Variants in PLCB3 observed in about 807,000 individuals in gnomAD.
The protein encoded by PLCB3 is phospholipase C beta 3.
Under a neutral mutation model 152.1 loss-of-function variants are expected in PLCB3, and 54 were observed. The observed-to-expected ratio is 0.36, with a 90% CI of 0.29 to 0.45. The LOEUF (loss-of-function observed/expected upper bound fraction) is 0.45, where lower values mean the gene tolerates loss of function less well. PLCB3 is among the 20% of genes least tolerant of loss of function. The pLI is 1.00. For missense variants in PLCB3, 1,248 were observed against 1,687.5 expected (o/e 0.74, Z 4.56); for synonymous variants, 717 against 698.7 (o/e 1.03, Z -0.41).
At position 64,263,528 on chromosome 11, in the gene PLCB3, A is replaced by G. The variant is rs997197383; in HGVS notation, c.2386A>G (p.Ile796Val). 1 of 1,578,876 alleles carries G rather than the reference A, an allele frequency of 6.3e-7. No individual in the cohort carries two copies. The highest frequency in any genetic ancestry group is 8.6e-7 in the Non-Finnish European group (1 of 1,162,752). The change falls in exon 20 of 31, where the codon ATT (isoleucine) becomes GTT (valine). Residue 796 changes from isoleucine (I) to valine (V), a missense_variant. Around this residue, in one of 6 missense-constraint regions of PLCB3, gnomAD observed 244 missense variants for 424.4 expected, o/e 0.57. Transcript: ENST00000279230. ...GCTGCCCACGCTGGCTTCACTTCGC[A>G]TTGCAGCCTTTGAGGAGGGGGGTAA... ...VVLPTLASLR[I>V]AAFEEGGKFV...
chr11:64,261,838 G>C, intron 16 of PLCB3, 114 bp from the exon 17 acceptor site: 2 of 1,525,432 alleles, frequency 1.3e-6, no homozygotes, highest in South Asian at 2.3e-5. Context: ...GGCATGGCTA[G>C]GCTAAGAAAC....
rs1295015515 is a variant in PLCB3 at position 64,251,693 on chromosome 11, C to T, written c.44C>T (p.Pro15Leu). ...GGCGTCCACGCGCTGCAGTTGGAGC[C>T]GCCCACCGTGGTGGAGACCCTGCGG... ...QPGVHALQLEPPTVVETLRRG... is the reference protein window; with the variant it reads ...QPGVHALQLELPTVVETLRRG... The change falls in exon 1 of 31, where the codon CCG becomes CTG. Residue 15 changes from proline to leucine, a missense_variant. Transcript: ENST00000279230. The T allele has an allele frequency of 2.7e-6, 4 of 1,483,984 alleles. No homozygotes were observed. Among genetic ancestry groups the T allele is most frequent in the East Asian group, 5.9e-5 (2 of 33,774 alleles). The allele number at this position is 1,483,984 out of a possible 1,614,324, so 91.9% of individuals were successfully genotyped here. A position where few individuals can be genotyped will look rare whatever the true frequency, so the allele number is the denominator to read the frequency against.
chr11:64,262,298 C>A, intron 17 of PLCB3, 109 bp from the exon 18 acceptor site: 1 of 1,419,012 alleles, frequency 7.0e-7, no homozygotes, highest in Non-Finnish European at 9.7e-7. Context: ...TTTGAGCCCG[C>A]CCCTGACCCT....
chr11:64,266,300 T>C lies in PLCB3; in HGVS notation c.3267-15T>C. 1 of 1,613,170 alleles carries C rather than the reference T, an allele frequency of 6.2e-7. No homozygotes were observed. Among genetic ancestry groups the C allele is most frequent in the Non-Finnish European group, 8.5e-7 (1 of 1,179,858 alleles). On this transcript the variant is annotated splice_polypyrimidine_tract_variant and intron_variant, in intron 27 of 30. Transcript: ENST00000279230. This position sits in a 1 kb window ranked among gnomAD's most constrained non-coding sequence, Gnocchi z 4.9. ...CTGCCGCTGACCCCTCCTCTTCCCC[T>C]GCCGGCTTCTCCAGGGAGAAGAAGG... is the stretch of plus-strand genomic sequence containing the variant.
Position 64,265,240 on chromosome 11 carries a change from G to A in PLCB3, c.2842+13G>A. 6.3e-7 allele frequency: 1 copy of A among 1,596,580 alleles called. No individual in the cohort carries two copies. On this transcript the variant is annotated intron_variant, in intron 24 of 30. Transcript: ENST00000279230. The stretch of plus-strand genomic sequence containing the variant: ...AGCATCCTCTCAGGTAGGGGGCGGG[G>A]TACCTGGAGGCAGGGGGCTGCCTTG...
chr11:64,267,350 C>A lies in PLCB3; in HGVS notation c.3502-3C>A. 1 of 1,547,646 alleles carries A rather than the reference C, an allele frequency of 6.5e-7. No homozygotes were observed. Among genetic ancestry groups the A allele is most frequent in the Non-Finnish European group, 8.7e-7 (1 of 1,144,418 alleles). On this transcript the variant is annotated splice_region_variant and splice_polypyrimidine_tract_variant and intron_variant, in intron 30 of 30. Coordinates refer to ENST00000279230, the MANE Select transcript of PLCB3 (RefSeq NM_000932.5). The surrounding 1 kb of genome is among the most constrained non-coding windows in gnomAD (Gnocchi z 5.2). ...GCCTGTGATGCCCATCCTTCTCCCA[C>A]AGCTGCTGGCCCAGCTGGCCCAGGA...
rs779438873 is a variant in PLCB3, at chr11:64,262,757, G to A, written c.2304G>A (p.Gln768=). The change falls in exon 19 of 31, where the codon CAG becomes CAA. Residue 768 remains glutamine, a synonymous_variant. Transcript: ENST00000279230. ...TRRKYRTRTS[Q]GNSFNPVWDE... is the part of the protein sequence containing the mutation. ...GCAAGTACCGCACCCGGACCTCTCA[G>A]GGGAACTCGTTCAACCCCGTGTGGG... 8 of 1,613,730 alleles carry A rather than the reference G, an allele frequency of 5.0e-6. No individual in the cohort carries two copies. The Admixed American group carries it at 8.3e-5, about 17-fold the overall frequency.
In PLCB3 at chr11:64,256,652, G is replaced by A; in HGVS notation, c.900G>A (p.Leu300=). ...CCATGGAGGGCTTTAGCCGCTACCT[G>A]GGAGGCGAGGAGAATGGCATCCTGC... is the stretch of plus-strand genomic sequence containing the variant. ...QMSMEGFSRY[L]GGEENGILPL... The change falls in exon 10 of 31, where the codon CTG becomes CTA. Residue 300 remains leucine (L), a synonymous_variant. Transcript: ENST00000279230. The A allele has an allele frequency of 1.9e-6, 3 of 1,614,208 alleles. No homozygotes were observed. The highest frequency in any genetic ancestry group is 2.5e-6 in the Non-Finnish European group (3 of 1,180,036).
chr11:64,262,669 C>T lies in PLCB3; in HGVS notation c.2216C>T (p.Ser739Phe), dbSNP rs182388407. ...CAGGTGATCTCAGGGCAGTTCCTGT[C>T]CGACAGGAAGGTGGGCATCTACGTG... ...RVKVISGQFL[S>F]DRKVGIYVEV... Residue 739 changes from serine (S) to phenylalanine (F), a missense_variant, in exon 19 of 31, where the codon TCC (serine) becomes TTC (phenylalanine). Around this residue, in one of 6 missense-constraint regions of PLCB3, gnomAD observed 244 missense variants for 424.4 expected, o/e 0.57. Transcript: ENST00000279230. The T allele has an allele frequency of 1.2e-6, 2 of 1,614,006 alleles. No homozygotes were observed. The highest frequency in any genetic ancestry group is 1.7e-5 in the Admixed American group (1 of 60,026).
downstream of PLCB3, among the ~76,000 whole-genome samples, chr11:64,268,105 G>T (rs968121620): frequency 6.6e-6 from 1 of 152,088 alleles, no homozygotes; most frequent in African/African-American, 2.4e-5. Flanking sequence ...TGTGCCCTCT[G>T]CCCCCAAGCC....
At position 64,255,033 on chromosome 11, in the gene PLCB3, G is replaced by A; in HGVS notation, c.382G>A (p.Ala128Thr). The A allele has an allele frequency of 6.4e-7, 1 of 1,568,562 alleles. No individual in the cohort carries two copies. The highest frequency in any genetic ancestry group is 1.2e-5 in the South Asian group (1 of 83,804). Residue 128 changes from alanine to threonine, a missense_variant, in exon 4 of 31, where the codon GCC (alanine) becomes ACC (threonine). Ala to Thr is a moderately conservative substitution (Grantham distance 58). Coordinates refer to ENST00000279230, the MANE Select transcript of PLCB3 (RefSeq NM_000932.5). The surrounding 1 kb of genome is among the most constrained non-coding windows in gnomAD (Gnocchi z 6.8). Reference sequence around the variant, plus strand: ...CTTCATGGCCGTGCAGGATGACACAGCCAAGGTGGGCTGGCACCAAGGGGA... The same window carrying A: ...CTTCATGGCCGTGCAGGATGACACAACCAAGGTGGGCTGGCACCAAGGGGA... ...LNFMAVQDDTAKVWSEELFKL... is the reference protein window; with the variant it reads ...LNFMAVQDDTTKVWSEELFKL...
In PLCB3 at chr11:64,264,913, A is replaced by T. The variant is rs187007146; in HGVS notation, c.2653-38A>T. ...GAGGACAGAAGGGTCTGGAGGGAAC[A>T]GCATTTCTGAAAAGAGCATTCTCCT... On this transcript the variant is annotated intron_variant, in intron 22 of 30. Coordinates refer to ENST00000279230, the MANE Select transcript of PLCB3 (RefSeq NM_000932.5). 1.5e-4 allele frequency: 238 copies of T among 1,609,634 alleles called. No homozygotes were observed. In the African/African-American group the frequency reaches 2.7e-3, roughly 18 times the overall value.
Position 64,261,942 on chromosome 11 carries a change from C to T in PLCB3, c.1914-10C>T. ...CTGGCACCTGTGTGGCCCCTGACCA[C>T]CAATCTCAGATACAACAAGCAGCAG... On this transcript the variant is annotated splice_polypyrimidine_tract_variant and intron_variant, in intron 16 of 30. Transcript: ENST00000279230. The T allele has an allele frequency of 6.2e-7, 1 of 1,614,008 alleles. No individual in the cohort carries two copies. The highest frequency in any genetic ancestry group is 1.1e-5 in the South Asian group (1 of 91,078).
Position 64,267,481 on chromosome 11 carries a change from C to G in PLCB3, c.3630C>G (p.Asn1210Lys). The G allele has an allele frequency of 1.9e-6, 3 of 1,565,992 alleles. No homozygotes were observed. In the South Asian group the frequency reaches 3.5e-5, roughly 18 times the overall value. ...GDGPLVACAS[N>K]GHAPGSSGHL... is the part of the protein sequence containing the mutation. ...GGCCTCTGGTGGCCTGTGCCAGCAA[C>G]GGTCACGCACCCGGGAGCAGCGGGC... Residue 1210 changes from asparagine to lysine, a missense_variant, in exon 31 of 31, where the codon AAC becomes AAG. Asn to Lys is a moderately conservative substitution (Grantham distance 94, BLOSUM62 0). Around this residue, in one of 6 missense-constraint regions of PLCB3, gnomAD observed 477 missense variants for 489.6 expected, o/e 0.97. Transcript: ENST00000279230. This position sits in a 1 kb window ranked among gnomAD's most constrained non-coding sequence, Gnocchi z 5.2.
At position 64,260,171 on chromosome 11, in the gene PLCB3, G is replaced by A. The variant is rs1412667732; in HGVS notation, c.1668G>A (p.Glu556=). ...ATGTTCTTGGACCTGCTGACCGTGAGGATGAGGAGGAAGATGAGGAAGAGG... is the reference window on the plus strand; with the variant it reads ...ATGTTCTTGGACCTGCTGACCGTGAAGATGAGGAGGAAGATGAGGAAGAGG... ...GPYVLGPADR[E]DEEEDEEEEE... Residue 556 remains glutamate (E), a synonymous_variant, in exon 14 of 31, where the codon GAG becomes GAA. Transcript: ENST00000279230. 5.0e-6 allele frequency: 8 copies of A among 1,606,112 alleles called. No individual in the cohort carries two copies. The East Asian group carries it at 8.9e-5, about 18-fold the overall frequency.
In PLCB3 at chr11:64,266,099, T is replaced by A; in HGVS notation, c.3190-27T>A. 6.2e-7 allele frequency: 1 copy of A among 1,613,904 alleles called. No homozygotes were observed. Among genetic ancestry groups the A allele is most frequent in the Non-Finnish European group, 8.5e-7 (1 of 1,179,922 alleles). On this transcript the variant is annotated intron_variant, in intron 26 of 30. Transcript: ENST00000279230. The surrounding 1 kb of genome is among the most constrained non-coding windows in gnomAD (Gnocchi z 4.9). ...GGATAGACCCGTCGTCAGCCCGGCA[T>A]CACCTGTCAGCTCCCTGTGTCCACA...
Position 64,264,968 on chromosome 11 carries a change from GACGTGCCAGGAC to G in PLCB3, c.2673_2684del (p.Cys892_Thr895del). 4 of 1,613,026 alleles carry G rather than the reference GACGTGCCAGGAC, an allele frequency of 2.5e-6. No homozygotes were observed. Among genetic ancestry groups the G allele is most frequent in the Non-Finnish European group, 3.4e-6 (4 of 1,179,898 alleles). On this transcript the variant is annotated inframe_deletion, in exon 23 of 31. Transcript: ENST00000279230. ...CCCTATAGGCTCAGGCTGGCCAAGA[GACGTGCCAGGAC>G]ACCCAGTCTCAGCAGCTGGGGTCTC...
rs771966197 is a variant in PLCB3, at chr11:64,261,509, G to A, written c.1828+13G>A. On this transcript the variant is annotated intron_variant, in intron 15 of 30. Coordinates refer to ENST00000279230, the MANE Select transcript of PLCB3 (RefSeq NM_000932.5). The stretch of plus-strand genomic sequence containing the variant: ...GAGGCTGCTCGAAGTGAGTGGGGGT[G>A]GGTGGCAGGCATGGGAGCTTGCCCA... 7 of 1,612,526 alleles carry A rather than the reference G, an allele frequency of 4.3e-6. No homozygotes were observed. The African/African-American group carries it at 6.7e-5, about 15-fold the overall frequency.
Position 64,256,644 on chromosome 11 carries a change from C to G in PLCB3, c.892C>G (p.Arg298Gly). ...CCAGATGTCCATGGAGGGCTTTAGC[C>G]GCTACCTGGGAGGCGAGGAGAATGG... The part of the protein sequence containing the change: ...RDQMSMEGFS[R>G]YLGGEENGIL... The change falls in exon 10 of 31, where the codon CGC (arginine) becomes GGC (glycine). Residue 298 changes from arginine (R) to glycine (G), a missense_variant. Arg to Gly is a moderately radical substitution (Grantham distance 125). Around this residue, in one of 6 missense-constraint regions of PLCB3, gnomAD observed 299 missense variants for 434.7 expected, o/e 0.69. Transcript: ENST00000279230. 1 of 1,614,180 alleles carries G rather than the reference C, an allele frequency of 6.2e-7. No individual in the cohort carries two copies. The highest frequency in any genetic ancestry group is 8.5e-7 in the Non-Finnish European group (1 of 1,180,028).
Sources: gnomAD v4.1 joint callset for allele counts (sites outside exome capture counted in the v4.1 genomes callset) on GRCh38, gnomAD v4.1.1 for gene constraint, gnomAD v4.1.1 regional missense constraint, Gnocchi (gnomAD v3.1) non-coding constraint, MANE v1.5 for transcripts, NCBI Gene and HGNC (gene_info 2026-07-23, HGNC 2026-07-21) for gene names.